The following TRIM44 variants were observed in gnomAD, a reference collection of about 807,000 sequenced individuals.
TRIM44 encodes tripartite motif containing 44.
In TRIM44, 13 loss-of-function variants were observed where a neutral mutation model predicts 37.4. That is an observed-to-expected ratio of 0.35 (90% CI 0.23 to 0.55). The LOEUF is 0.55. Ranked by LOEUF, TRIM44 falls within the 20% of genes least tolerant of loss-of-function variation. The probability of loss-of-function intolerance (pLI) is 0.89; values close to 1 mark genes in which losing one functional copy is unlikely to be tolerated. For missense variants in TRIM44, 426 were observed against 437.2 expected, an observed-to-expected ratio of 0.97 and a Z score of 0.23; for synonymous variants, 175 against 157.2, an observed-to-expected ratio of 1.11 and a Z score of -0.85.
intron 1 of TRIM44, among the ~76,000 whole-genome samples, chr11:35,679,729 T>C (rs1564945594): frequency 6.6e-6 from 1 of 152,218 alleles, no homozygotes; most frequent in Non-Finnish European, 1.5e-5. Flanking sequence ...TTTTAAATGC[T>C]AGCAACTAAC....
At chr11:35,747,189 C>T (rs1389259370) in intron 4 of TRIM44, among the ~76,000 whole-genome samples, 1 of 152,222 alleles carries the variant, frequency 6.6e-6, no homozygotes, top group Admixed American at 6.5e-5. Flanking sequence ...CACTAAGCTG[C>T]CAACTTCTCG....
chr11:35,785,695 A>G (rs555099773), intron 4 of TRIM44, among the ~76,000 whole-genome samples: 3 of 152,308 alleles, frequency 2.0e-5, no homozygotes, highest in African/African-American at 7.2e-5. Flanking sequence ...ATCCCTCCCT[A>G]GGAGCTGCCC....
In TRIM44 at chr11:35,692,796, G is replaced by A. The variant is rs192865050; in HGVS notation, c.747+7460G>A. Among the ~76,000 whole-genome samples, 394 of 152,076 alleles carry A rather than the reference G, an allele frequency of 2.6e-3. 5 individuals carry two copies. Among genetic ancestry groups the A allele is most frequent in the African/African-American group, 8.7e-3 (360 of 41,504 alleles). On this transcript the variant is annotated intron_variant, in intron 2 of 4. Coordinates refer to ENST00000299413, the MANE Select transcript of TRIM44 (RefSeq NM_017583.6). ...AAATTAGCCAGGCATGGTGGTGGGC[G>A]CCTGTAGTCCCAGCTCCTTGGGAGG...
In TRIM44 at chr11:35,756,164, A is replaced by G. The variant is rs538674695; in HGVS notation, c.1007+20719A>G. ...ATGGAATGTTCTTCCATTTGTTTGT[A>G]TCCTCTTTTATTTCATTGAGCAGTG... On this transcript the variant is annotated intron_variant, in intron 4 of 4. Transcript: ENST00000299413. 2.6e-5 allele frequency among the ~76,000 whole-genome samples: 4 copies of G among 152,158 alleles called. No individual in the cohort carries two copies. In the South Asian group the frequency reaches 6.2e-4, roughly 24 times the overall value.
Position 35,808,208 on chromosome 11 carries a change from A to AAAAAC in TRIM44, c.*1827_*1828insCAAAA. ...GGGGCTGAGGGGAGTTTGAGGTGTT[A>AAAAAC]AAAAAAAAAAAAAAAAAGCATTTTT... On this transcript the variant is annotated 3_prime_UTR_variant, in exon 5 of 5. Coordinates refer to ENST00000299413, the MANE Select transcript of TRIM44 (RefSeq NM_017583.6). The AAAAAC allele has an allele frequency of 4.6e-4, 1 of 2,158 alleles. No individual in the cohort carries two copies. The highest frequency in any genetic ancestry group is 1.3e-3 in the African/African-American group (1 of 782). 0.1% of individuals were successfully genotyped at this position (2,158 alleles called of 1,614,324 possible).
At chr11:35,702,307 C>T (rs535136747) in intron 2 of TRIM44, among the ~76,000 whole-genome samples, 17 of 152,280 alleles carry the variant, frequency 1.1e-4, no homozygotes, top group Admixed American at 2.6e-4. Flanking sequence ...GGGAGGGCAG[C>T]GAGGGTGTGG....
chr11:35,726,187 T>G (rs1488628487), intron 3 of TRIM44, 24 bp downstream of exon 3: 1 of 1,609,058 alleles, frequency 6.2e-7, no homozygotes, highest in Admixed American at 1.7e-5. Context: ...CCATAATTAT[T>G]AGTAGCAAGA....
At chr11:35,721,756 G>A (rs892126573) in intron 2 of TRIM44, among the ~76,000 whole-genome samples, 16 of 152,196 alleles carry the variant, frequency 1.1e-4, no homozygotes, top group African/African-American at 3.9e-4. Flanking sequence ...GTAGTGGAAT[G>A]CTGTTCAGAG....
At chr11:35,801,040 G>T (rs1208344522) in intron 4 of TRIM44, among the ~76,000 whole-genome samples, 5 of 152,266 alleles carry the variant, frequency 3.3e-5, no homozygotes, top group Admixed American at 2.0e-4. Flanking sequence ...CTTATTTTCA[G>T]CTCAGGCTGT....
intron 4 of TRIM44, 103 bp downstream of exon 4, chr11:35,735,548 A>G: frequency 1.7e-6 from 2 of 1,143,010 alleles, no homozygotes; most frequent in African/African-American, 1.5e-5. Context: ...AACAGCACAG[A>G]AAAGGGATCT....
intron 2 of TRIM44, among the ~76,000 whole-genome samples, chr11:35,720,414 T>A (rs1313590731): frequency 6.7e-6 from 1 of 148,596 alleles, no homozygotes; most frequent in Non-Finnish European, 1.5e-5. Flanking sequence ...GGAGGTTTTT[T>A]TCTTTTTTTT....
At chr11:35,777,460 G>A (rs892164126) in intron 4 of TRIM44, among the ~76,000 whole-genome samples, 6 of 152,182 alleles carry the variant, frequency 3.9e-5, no homozygotes, top group East Asian at 3.9e-4. Context: ...TACATTTAAG[G>A]TTAATATTGT....
At chr11:35,760,695 T>C (rs898662938) in intron 4 of TRIM44, among the ~76,000 whole-genome samples, 2 of 152,230 alleles carry the variant, frequency 1.3e-5, no homozygotes, top group African/African-American at 2.4e-5. Context: ...AATTGTGTAT[T>C]TATATAGTAC....
intron 2 of TRIM44, among the ~76,000 whole-genome samples, chr11:35,686,635 C>T (rs1236700607): frequency 6.6e-6 from 1 of 152,090 alleles, no homozygotes; most frequent in Admixed American, 6.5e-5. Flanking sequence ...CGGCTCAGTG[C>T]AACCTCTCCC....
At chr11:35,732,779 A>G (rs1188459513) in intron 3 of TRIM44, among the ~76,000 whole-genome samples, 2 of 152,210 alleles carry the variant, frequency 1.3e-5, no homozygotes, top group Non-Finnish European at 2.9e-5. Context: ...TTCAGGTAGC[A>G]GGAACATCAC....
At chr11:35,722,296 G>A (rs1392968592) in intron 2 of TRIM44, among the ~76,000 whole-genome samples, 2 of 152,200 alleles carry the variant, frequency 1.3e-5, no homozygotes, top group African/African-American at 2.4e-5. Flanking sequence ...TTAACACCTT[G>A]CAGGAAATTT....
At chr11:35,689,349 G>A (rs931730222) in intron 2 of TRIM44, among the ~76,000 whole-genome samples, 2 of 152,196 alleles carry the variant, frequency 1.3e-5, no homozygotes, top group African/African-American at 4.8e-5. Flanking sequence ...GCTGTGGTGA[G>A]CCCTGTTTTA....
At position 35,751,411 on chromosome 11, in the gene TRIM44, G is replaced by A. The variant is rs560202316; in HGVS notation, c.1007+15966G>A. On this transcript the variant is annotated intron_variant, in intron 4 of 4. Transcript: ENST00000299413. ...AATGTGTGAGAAATTTCTCTAATAT[G>A]GCCAGGCCTTGATGCCAGATGGATT... 2.6e-5 allele frequency among the ~76,000 whole-genome samples: 4 copies of A among 152,248 alleles called. No individual in the cohort carries two copies. The South Asian group carries it at 8.3e-4, about 32-fold the overall frequency.
chr11:35,774,984 G>C (rs912839463), intron 4 of TRIM44, among the ~76,000 whole-genome samples: 1 of 152,168 alleles, frequency 6.6e-6, no homozygotes, highest in Non-Finnish European at 1.5e-5. Flanking sequence ...CTTTAAAGTA[G>C]TTTTTTCCAC....
Sources: allele counts gnomAD v4.1 joint callset (sites outside exome capture counted in the v4.1 genomes callset), GRCh38; gene constraint gnomAD v4.1.1; transcripts MANE v1.5; gene names NCBI Gene and HGNC (gene_info 2026-07-23, HGNC 2026-07-21).